LRMDA: variants seen among roughly 807,000 people sequenced by gnomAD.
The protein encoded by LRMDA is leucine-rich melanocyte differentiation-associated protein.
In LRMDA, 18 loss-of-function variants were observed where a neutral mutation model predicts 29.8. That is an observed-to-expected ratio of 0.60 (90% CI 0.42 to 0.90). The LOEUF (loss-of-function observed/expected upper bound fraction) is 0.90. Among genes scored for constraint, LRMDA ranks in the 40% least tolerant of loss-of-function variants. The pLI, the probability that LRMDA is intolerant of heterozygous loss-of-function variation, is 0.00. For synonymous variants in LRMDA, 125 were observed against 109.4 expected, an observed-to-expected ratio of 1.14 and a Z score of -0.89; for missense variants, 273 against 273.9, an observed-to-expected ratio of 1.00 and a Z score of 0.02.
chr10:75,534,208 T>TA lies in LRMDA; in HGVS notation c.131+95715dup, dbSNP rs200294059. ...CCCTGATGCGCAATTGTGAGGTGCT[T>TA]ATAATGCAAACCTGTGTCTGTTTGA... is the stretch of plus-strand genomic sequence containing the variant. On this transcript the variant is annotated intron_variant, in intron 2 of 6. Coordinates refer to ENST00000611255, the MANE Select transcript of LRMDA (RefSeq NM_001305581.2). 7.0e-3 allele frequency among the ~76,000 whole-genome samples: 1,072 copies of TA among 152,312 alleles called. 16 individuals carry two copies. The highest frequency in any genetic ancestry group is 0.024 in the African/African-American group (1,004 of 41,546).
intron 2 of LRMDA, among the ~76,000 whole-genome samples, chr10:75,825,145 A>T (rs7912964): frequency 6.6e-6 from 1 of 152,002 alleles, no homozygotes; most frequent in Non-Finnish European, 1.5e-5. Context: ...CACAGCCCAC[A>T]CCCGAGACCG....
intron 6 of LRMDA, among the ~76,000 whole-genome samples, chr10:76,332,571 C>T (rs955199504): frequency 2.0e-5 from 3 of 152,188 alleles, no homozygotes; most frequent in African/African-American, 7.2e-5. Context: ...AATGACAACT[C>T]TTCCCCCAAC....
chr10:76,178,031 C>T (rs2132203641), intron 5 of LRMDA, among the ~76,000 whole-genome samples: 1 of 152,346 alleles, frequency 6.6e-6, no homozygotes, highest in East Asian at 1.9e-4. Context: ...TAACCAGAAG[C>T]TGCTGGTCTT....
chr10:76,456,025 C>T (rs2132303879), intron 6 of LRMDA, among the ~76,000 whole-genome samples: 1 of 152,198 alleles, frequency 6.6e-6, no homozygotes. Context: ...CCTCTTCCTC[C>T]TTAGGGGCTG....
chr10:75,619,346 T>C (rs1731853860), intron 2 of LRMDA, among the ~76,000 whole-genome samples: 2 of 152,190 alleles, frequency 1.3e-5, no homozygotes, highest in African/African-American at 4.8e-5. Context: ...TTCCTTTGTG[T>C]ATCTGCTGGA....
intron 2 of LRMDA, among the ~76,000 whole-genome samples, chr10:75,728,811 G>C (rs1027942460): frequency 6.6e-6 from 1 of 151,936 alleles, no homozygotes; most frequent in African/African-American, 2.4e-5. Context: ...TGGCTAATGG[G>C]GGTTGAGTGT....
chr10:75,826,696 G>T (rs1181575247), intron 2 of LRMDA, among the ~76,000 whole-genome samples: 2 of 152,166 alleles, frequency 1.3e-5, no homozygotes, highest in African/African-American at 2.4e-5. Flanking sequence ...GCATATTTAA[G>T]TAAACTAGAG....
Position 75,872,175 on chromosome 10 carries a change from A to G in LRMDA, c.132-163833A>G, listed in dbSNP as rs575255722. On this transcript the variant is annotated intron_variant, in intron 2 of 6. Transcript: ENST00000611255. ...AGCGATGTTGCTTTATTTTCTTTAT[A>G]TTTCCCCACAGATCTTATGGGTACA... Among the ~76,000 whole-genome samples, 12 of 152,136 alleles carry G rather than the reference A, an allele frequency of 7.9e-5. No individual in the cohort carries two copies. The East Asian group carries it at 2.3e-3, about 29-fold the overall frequency.
At chr10:76,066,183 G>A (rs1462973321) in intron 5 of LRMDA, among the ~76,000 whole-genome samples, 1 of 152,154 alleles carries the variant, frequency 6.6e-6, no homozygotes, top group Non-Finnish European at 1.5e-5. Context: ...GCAGTCATTG[G>A]TGCCACAGCA....
At chr10:75,939,672 T>C (rs1846354706) in intron 2 of LRMDA, among the ~76,000 whole-genome samples, 1 of 152,154 alleles carries the variant, frequency 6.6e-6, no homozygotes, top group South Asian at 2.1e-4. Context: ...GCAGCTTTTC[T>C]CTCCTCCATT....
chr10:75,483,161 G>T (rs1205856382), intron 2 of LRMDA, among the ~76,000 whole-genome samples: 1 of 152,006 alleles, frequency 6.6e-6, no homozygotes. Context: ...TACCCAGGCT[G>T]GTCTTGAACT....
chr10:75,736,065 C>T (rs976705867), intron 2 of LRMDA, among the ~76,000 whole-genome samples: 4 of 152,082 alleles, frequency 2.6e-5, no homozygotes, highest in Non-Finnish European at 4.4e-5. Flanking sequence ...AAACTCTCCT[C>T]GTTTAGTAAA....
chr10:75,584,148 C>T (rs1840629073), intron 2 of LRMDA, among the ~76,000 whole-genome samples: 1 of 152,200 alleles, frequency 6.6e-6, no homozygotes, highest in African/African-American at 2.4e-5. Context: ...GCCCCTTCCC[C>T]TGCCACCCCC....
intron 2 of LRMDA, among the ~76,000 whole-genome samples, chr10:75,530,193 C>T (rs1333317145): frequency 6.6e-6 from 1 of 151,512 alleles, no homozygotes; most frequent in East Asian, 1.9e-4. Flanking sequence ...GAGAAACATG[C>T]CAGTGGGATT....
chr10:76,437,288 A>T (rs1203349130), intron 6 of LRMDA: 1 of 152,174 alleles, frequency 6.6e-6, no homozygotes, highest in South Asian at 2.1e-4. Context: ...TTCAAGTTAG[A>T]GAATTTTAGA....
chr10:75,772,577 A>G (rs764100619), intron 2 of LRMDA, among the ~76,000 whole-genome samples: 102 of 152,314 alleles, frequency 6.7e-4, no homozygotes, highest in Non-Finnish European at 1.2e-3. Flanking sequence ...GAACCGGTCA[A>G]TTCGCTAATG....
chr10:76,434,328 T>A (rs1351548660), intron 6 of LRMDA, among the ~76,000 whole-genome samples: 1 of 151,970 alleles, frequency 6.6e-6, no homozygotes. Flanking sequence ...TTATTTACTC[T>A]CTCTCTCTCT....
At chr10:75,962,639 A>G (rs1846789480) in intron 2 of LRMDA, among the ~76,000 whole-genome samples, 1 of 152,216 alleles carries the variant, frequency 6.6e-6, no homozygotes, top group African/African-American at 2.4e-5. Flanking sequence ...TTTTAAACGT[A>G]AATGATAATC....
At chr10:76,018,409 C>G (rs57480381) in intron 2 of LRMDA, among the ~76,000 whole-genome samples, 12,949 of 152,046 alleles carry the variant, frequency 0.085, 790 homozygotes, top group East Asian at 0.24. Flanking sequence ...CTGATCTAAT[C>G]CCTTCAAATC....
Sources: allele counts gnomAD v4.1 joint callset (sites outside exome capture counted in the v4.1 genomes callset), GRCh38; gene constraint gnomAD v4.1.1; transcripts MANE v1.5; gene names NCBI Gene and HGNC (gene_info 2026-07-23, HGNC 2026-07-21).